HDAC9: variants seen among roughly 807,000 people sequenced by gnomAD.
The protein encoded by HDAC9 is MEF-2 interacting transcription repressor (MITR) protein.
HDAC9 carries 41 observed loss-of-function variants against 139.4 expected under a neutral mutation model. That is an observed-to-expected ratio of 0.29 (90% confidence interval 0.23 to 0.38). The LOEUF (loss-of-function observed/expected upper bound fraction) is 0.38, where lower values mean the gene tolerates loss of function less well. HDAC9 is among the 10% of genes least tolerant of loss of function. HDAC9 has a pLI of 1.00. For synonymous variants in HDAC9, 517 were observed against 476.2 expected (o/e 1.09, Z -1.12); for missense variants, 1,147 against 1,297.0 (o/e 0.88, Z 1.78).
At chr7:18,575,396 A>G (rs1825683180) in intron 2 of HDAC9, among the ~76,000 whole-genome samples, 2 of 152,234 alleles carry the variant, frequency 1.3e-5, no homozygotes. Context: ...TGTAATTTTC[A>G]GTAATATAAC....
intron 19 of HDAC9, among the ~76,000 whole-genome samples, chr7:18,832,177 A>G (rs1199096193): frequency 1.3e-5 from 2 of 152,244 alleles, no homozygotes; most frequent in African/African-American, 2.4e-5. Context: ...AACTTGTCCT[A>G]CAAGTAAGAC....
At chr7:18,912,041 G>T (rs1343984750) in intron 22 of HDAC9, among the ~76,000 whole-genome samples, 3 of 151,582 alleles carry the variant, frequency 2.0e-5, no homozygotes, top group Non-Finnish European at 4.4e-5. Context: ...GTTTCTGTGT[G>T]GATTTTCTAT....
At chr7:18,291,430 A>G (rs923012039) in intron 1 of HDAC9, among the ~76,000 whole-genome samples, 6 of 152,140 alleles carry the variant, frequency 3.9e-5, no homozygotes, top group Admixed American at 2.0e-4. Context: ...AAATGAATAC[A>G]ATAGCACTGA....
chr7:18,615,781 A>G (rs1838410921), intron 6 of HDAC9, among the ~76,000 whole-genome samples: 1 of 152,218 alleles, frequency 6.6e-6, no homozygotes, highest in African/African-American at 2.4e-5. Flanking sequence ...TCAGACTTCC[A>G]AAATAGCACC....
Position 18,925,625 on chromosome 7 carries a change from A to AT in HDAC9, c.2804-10177dup, listed in dbSNP as rs573414115. Among the ~76,000 whole-genome samples the AT allele has an allele frequency of 8.4e-4, 127 of 150,576 alleles. No homozygotes were observed. The East Asian group carries it at 0.015, about 18-fold the overall frequency. ...ATCAATGAAATTTTGTATAAGTTAA[A>AT]TTTTTTTAGTTAAATACATCTTTTT... On this transcript the variant is annotated intron_variant, in intron 22 of 25. Transcript: ENST00000686413.
chr7:18,600,639 C>G (rs895602990), intron 6 of HDAC9, among the ~76,000 whole-genome samples: 2 of 152,118 alleles, frequency 1.3e-5, no homozygotes, highest in Non-Finnish European at 2.9e-5. Context: ...ATCTACTTGT[C>G]TGTTCTTTTG....
chr7:18,100,399 T>C (rs1782770401), intron 1 of HDAC9, among the ~76,000 whole-genome samples: 1 of 152,082 alleles, frequency 6.6e-6, no homozygotes, highest in African/African-American at 2.4e-5. Flanking sequence ...TTTTTAGGAG[T>C]CCCTCCTCTT....
At chr7:18,543,895 A>G (rs965461556) in intron 2 of HDAC9, among the ~76,000 whole-genome samples, 4 of 151,924 alleles carry the variant, frequency 2.6e-5, no homozygotes, top group Non-Finnish European at 5.9e-5. Flanking sequence ...GGAAAAAAAA[A>G]AAAAAAAGAA....
intron 2 of HDAC9, among the ~76,000 whole-genome samples, chr7:18,577,023 A>C (rs76003403): frequency 0.012 from 1,868 of 152,326 alleles, 29 homozygotes; most frequent in African/African-American, 0.042. Flanking sequence ...CTGTTCCTTC[A>C]TGCCTTTATT....
chr7:18,454,512 C>T (rs1793168132), intron 1 of HDAC9, among the ~76,000 whole-genome samples: 2 of 152,014 alleles, frequency 1.3e-5, no homozygotes, highest in Non-Finnish European at 2.9e-5. Flanking sequence ...AACCCAAGTA[C>T]TTGGGTTTCT....
chr7:18,480,702 A>G (rs1263434562), intron 1 of HDAC9, among the ~76,000 whole-genome samples: 1 of 152,158 alleles, frequency 6.6e-6, no homozygotes, highest in Non-Finnish European at 1.5e-5. Flanking sequence ...CAAAAATTAA[A>G]TGTGATTGGT....
intron 16 of HDAC9, among the ~76,000 whole-genome samples, chr7:18,785,373 G>A (rs1225228383): frequency 6.6e-6 from 1 of 151,766 alleles, no homozygotes; most frequent in East Asian, 1.9e-4. Flanking sequence ...GGCATTCCTG[G>A]CTCTATGCAC....
At chr7:18,689,115 A>G (rs1029590332) in intron 12 of HDAC9, among the ~76,000 whole-genome samples, 2 of 151,810 alleles carry the variant, frequency 1.3e-5, no homozygotes, top group Non-Finnish European at 2.9e-5. Context: ...ATAACTTACA[A>G]ACATACACAC....
chr7:18,385,787 T>A (rs1785868086), intron 1 of HDAC9, among the ~76,000 whole-genome samples: 1 of 152,168 alleles, frequency 6.6e-6, no homozygotes, highest in Non-Finnish European at 1.5e-5. Context: ...TTTTATAATA[T>A]TGAGGTCATT....
In HDAC9 at chr7:18,473,643, G is replaced by A. The variant is rs370194680; in HGVS notation, c.-41-22619G>A. Among the ~76,000 whole-genome samples the A allele has an allele frequency of 1.1e-4, 16 of 152,284 alleles. No individual in the cohort carries two copies. In the South Asian group the frequency reaches 2.3e-3, roughly 22 times the overall value. On this transcript the variant is annotated intron_variant, in intron 1 of 3. Transcript: ENST00000413509. The stretch of plus-strand genomic sequence containing the variant: ...AAAGATAAAAGACAAAACATACATC[G>A]AGTGGTCTTTAGCAACCCTGAGTTC...
At chr7:18,748,719 A>T (rs1481685237) in intron 13 of HDAC9, among the ~76,000 whole-genome samples, 1 of 152,214 alleles carries the variant, frequency 6.6e-6, no homozygotes, top group African/African-American at 2.4e-5. Context: ...TATATTTTAA[A>T]ATCTGAAGTG....
At chr7:18,290,624 A>C in intron 1 of HDAC9, 1 of 432,050 alleles carries the variant, frequency 2.3e-6, no homozygotes, top group Non-Finnish European at 4.7e-6. Flanking sequence ...AGGCTGTGGA[A>C]AGATAAACTT....
intron 17 of HDAC9, among the ~76,000 whole-genome samples, chr7:18,799,064 C>T (rs1021553169): frequency 6.6e-6 from 1 of 150,870 alleles, no homozygotes; most frequent in Admixed American, 6.6e-5. Context: ...CACACACACA[C>T]ACACACACAC....
At chr7:18,616,571 A>G (rs1838655449) in intron 6 of HDAC9, among the ~76,000 whole-genome samples, 1 of 152,332 alleles carries the variant, frequency 6.6e-6, no homozygotes, top group African/African-American at 2.4e-5. Context: ...AATGTATGAT[A>G]TAGTTCAGTA....
Sources: gnomAD v4.1 joint callset for allele counts (sites outside exome capture counted in the v4.1 genomes callset) on GRCh38, gnomAD v4.1.1 for gene constraint, MANE v1.5 for transcripts, NCBI Gene and HGNC (gene_info 2026-07-23, HGNC 2026-07-21) for gene names.